The following BAZ2B variants were observed in gnomAD, a reference collection of about 807,000 sequenced individuals.
BAZ2B encodes bromodomain adjacent to zinc finger domain protein 2B.
A neutral mutation model predicts 246.0 loss-of-function variants in BAZ2B; 91 were observed. The observed-to-expected ratio is 0.37, with a 90% CI of 0.31 to 0.44. BAZ2B has a LOEUF of 0.44. BAZ2B is among the 20% of genes least tolerant of loss of function. The pLI, the probability that BAZ2B is intolerant of heterozygous loss-of-function variation, is 1.00. For synonymous variants in BAZ2B, 855 were observed against 860.0 expected (o/e 0.99, Z 0.10); for missense variants, 2,332 against 2,533.7 (o/e 0.92, Z 1.71).
intron 1 of BAZ2B, among the ~76,000 whole-genome samples, chr2:159,584,903 C>T (rs1020763855): frequency 6.6e-5 from 10 of 152,138 alleles, no homozygotes; most frequent in Admixed American, 2.6e-4. Flanking sequence ...GGCCCTCTCT[C>T]GCTTGCTCCT....
intron 2 of BAZ2B, among the ~76,000 whole-genome samples, chr2:159,495,313 G>A (rs1265631280): frequency 1.3e-5 from 2 of 149,828 alleles, no homozygotes; most frequent in Admixed American, 6.6e-5. Flanking sequence ...GTGAAACCCC[G>A]TCTCTACTAA....
At chr2:159,421,615 T>A (rs1016349590) in intron 13 of BAZ2B, among the ~76,000 whole-genome samples, 1 of 152,192 alleles carries the variant, frequency 6.6e-6, no homozygotes, top group African/African-American at 2.4e-5. Flanking sequence ...ACACCTCTCA[T>A]CTTATTGTAC....
chr2:159,532,847 G>A (rs966175656), intron 2 of BAZ2B, among the ~76,000 whole-genome samples: 1 of 152,156 alleles, frequency 6.6e-6, no homozygotes, highest in African/African-American at 2.4e-5. Context: ...TACGGAGAAG[G>A]AAATGAGATT....
downstream of BAZ2B, among the ~76,000 whole-genome samples, chr2:159,316,189 GCTT>G (rs2062093763): frequency 6.6e-6 from 1 of 152,120 alleles, no homozygotes; most frequent in Non-Finnish European, 1.5e-5. Context: ...ACACAGAGGG[GCTT>G]TGCAAGAATA....
intron 1 of BAZ2B, among the ~76,000 whole-genome samples, chr2:159,596,214 T>C (rs541557813): frequency 6.6e-6 from 1 of 152,336 alleles, no homozygotes; most frequent in South Asian, 2.1e-4. Flanking sequence ...AGAGTTTTCA[T>C]TGTACATAGG....
intron 2 of BAZ2B, among the ~76,000 whole-genome samples, chr2:159,525,320 A>G (rs1472359850): frequency 2.6e-5 from 4 of 152,170 alleles, no homozygotes; most frequent in Non-Finnish European, 5.9e-5. Flanking sequence ...TAATAACAGG[A>G]ATCATGAGTT....
At chr2:159,606,152 G>A (rs1436925220) in intron 1 of BAZ2B, among the ~76,000 whole-genome samples, 1 of 152,188 alleles carries the variant, frequency 6.6e-6, no homozygotes, top group Non-Finnish European at 1.5e-5. Context: ...ATCTTGATAT[G>A]TTCCAAAAGG....
chr2:159,368,393 C>T (rs532031315), intron 27 of BAZ2B, among the ~76,000 whole-genome samples: 20 of 152,294 alleles, frequency 1.3e-4, no homozygotes, highest in African/African-American at 4.8e-4. Context: ...AGGCACAATA[C>T]AGGTGTAAAT....
At chr2:159,702,037 T>C in the BAZ2B span, among the ~76,000 whole-genome samples, 1 of 152,192 alleles carries the variant, frequency 6.6e-6, no homozygotes, top group Non-Finnish European at 1.5e-5. Flanking sequence ...CATTCTTAAA[T>C]ATATTTTATA....
chr2:159,623,061 G>A, the BAZ2B span, among the ~76,000 whole-genome samples: 1 of 148,666 alleles, frequency 6.7e-6, no homozygotes, highest in Non-Finnish European at 1.5e-5. Context: ...AAGGAAGAGG[G>A]AAGGGAAGAG....
chr2:159,316,233 G>C (rs962084969), downstream of BAZ2B, among the ~76,000 whole-genome samples: 1 of 151,820 alleles, frequency 6.6e-6, no homozygotes, highest in Non-Finnish European at 1.5e-5. Flanking sequence ...ATTGAAGAAA[G>C]AAATTAATTA....
intron 4 of BAZ2B, among the ~76,000 whole-genome samples, chr2:159,450,170 C>T (rs888016105): frequency 8.6e-5 from 13 of 151,868 alleles, no homozygotes; most frequent in African/African-American, 3.1e-4. Flanking sequence ...TAGACATAAT[C>T]AAACTCAGAA....
chr2:159,607,898 G>T (rs550792532), intron 1 of BAZ2B, among the ~76,000 whole-genome samples: 1 of 152,304 alleles, frequency 6.6e-6, no homozygotes, highest in South Asian at 2.1e-4. Context: ...CATGCTTGGA[G>T]ATAGCATTCA....
intron 2 of BAZ2B, among the ~76,000 whole-genome samples, chr2:159,491,380 A>C (rs1055631553): frequency 2.6e-5 from 4 of 152,166 alleles, no homozygotes; most frequent in African/African-American, 9.7e-5. Context: ...GTATATAATA[A>C]TACTAGTGTT....
chr2:159,353,462 A>G (rs2058767123), intron 27 of BAZ2B, among the ~76,000 whole-genome samples: 1 of 152,220 alleles, frequency 6.6e-6, no homozygotes, highest in African/African-American at 2.4e-5. Context: ...ATCCAGGTGG[A>G]GCCTGGCAAA....
chr2:159,523,129 G>A (rs562242616), intron 2 of BAZ2B, among the ~76,000 whole-genome samples: 4 of 152,206 alleles, frequency 2.6e-5, no homozygotes, highest in African/African-American at 9.6e-5. Flanking sequence ...TTAGCCAGAT[G>A]TGGTGGCATG....
At chr2:159,601,129 T>C (rs1222092217) in intron 1 of BAZ2B, among the ~76,000 whole-genome samples, 1 of 152,136 alleles carries the variant, frequency 6.6e-6, no homozygotes, top group South Asian at 2.1e-4. Flanking sequence ...GGAAAAAATA[T>C]ATGTAAACTA....
At chr2:159,699,431 G>A in the BAZ2B span, among the ~76,000 whole-genome samples, 9 of 152,136 alleles carry the variant, frequency 5.9e-5, no homozygotes, top group African/African-American at 2.2e-4. Context: ...TAGGTACTTT[G>A]GAAGCTGAGT....
chr2:159,338,664 T>C (rs1456521107), intron 31 of BAZ2B, among the ~76,000 whole-genome samples: 2 of 152,214 alleles, frequency 1.3e-5, no homozygotes, highest in Non-Finnish European at 2.9e-5. Context: ...ACATCTTATG[T>C]TGCAGTCAAA....
Sources: allele counts gnomAD v4.1 joint callset (sites outside exome capture counted in the v4.1 genomes callset), GRCh38; gene constraint gnomAD v4.1.1; transcripts MANE v1.5; gene names NCBI Gene and HGNC (gene_info 2026-07-23, HGNC 2026-07-21).